SLC23A2: variants seen among roughly 807,000 people sequenced by gnomAD.
SLC23A2 encodes Na(+)/L-ascorbic acid transporter 2.
In SLC23A2, 36 loss-of-function variants were observed where a neutral mutation model predicts 73.3. That is an observed-to-expected ratio of 0.49 (90% confidence interval 0.38 to 0.65). SLC23A2 has a LOEUF of 0.65. Among genes scored for constraint, SLC23A2 ranks in the 30% least tolerant of loss-of-function variants. The pLI, the probability that SLC23A2 is intolerant of heterozygous loss-of-function variation, is 0.00. For missense variants in SLC23A2, 507 were observed against 841.6 expected (o/e 0.60, Z 4.92); for synonymous variants, 343 against 327.3 (o/e 1.05, Z -0.52).
chr20:4,971,675 T>G (rs1379820014), intron 1 of SLC23A2, among the ~76,000 whole-genome samples: 1 of 150,174 alleles, frequency 6.7e-6, no homozygotes, highest in African/African-American at 2.5e-5. Context: ...TAGTCACAGC[T>G]ACTCAGGAGG....
At chr20:4,996,720 T>C (rs1350811756) in intron 1 of SLC23A2, among the ~76,000 whole-genome samples, 3 of 143,704 alleles carry the variant, frequency 2.1e-5, no homozygotes, top group Non-Finnish European at 4.5e-5. Flanking sequence ...CAACAACTCA[T>C]GAGTGAAGAT....
chr20:4,912,901 C>T lies in SLC23A2; in HGVS notation c.186G>A (p.Thr62=), dbSNP rs776221919. ...EDTELMAIYT[T]ENGIAEKSSL... is the part of the protein sequence containing the mutation. Reference sequence around the variant, plus strand: ...GTACCTTTTCTGCAATGCCGTTTTCCGTAGTGTAGATCGCCATGAGCTCAG... The same window carrying T: ...GTACCTTTTCTGCAATGCCGTTTTCTGTAGTGTAGATCGCCATGAGCTCAG... Residue 62 remains threonine (T), a synonymous_variant, in exon 4 of 17, where the codon ACG becomes ACA. Transcript: ENST00000338244. 3.1e-6 allele frequency: 5 copies of T among 1,612,666 alleles called. No individual in the cohort carries two copies. The highest frequency in any genetic ancestry group is 3.3e-5 in the Admixed American group (2 of 60,008).
chr20:4,875,234 C>T (rs8122118), intron 9 of SLC23A2, among the ~76,000 whole-genome samples: 49,541 of 152,058 alleles, frequency 0.33, 8,392 homozygotes, highest in African/African-American at 0.4. Flanking sequence ...ACTTACAGCA[C>T]GCATAAATTA....
chr20:4,876,280 CATT>C lies in SLC23A2; in HGVS notation c.825-1587_825-1585del, dbSNP rs563930989. ...GCCCCAGGCCTGCTAGTTTTGTCAT[CATT>C]ATTTCAGGCAACACACCTGCACATT... On this transcript the variant is annotated intron_variant, in intron 9 of 16. Transcript: ENST00000338244. Among the ~76,000 whole-genome samples, 14 of 152,272 alleles carry C rather than the reference CATT, an allele frequency of 9.2e-5. No homozygotes were observed. In the South Asian group the frequency reaches 2.7e-3, roughly 29 times the overall value.
At chr20:4,891,887 A>C (rs1228473593) in intron 6 of SLC23A2, among the ~76,000 whole-genome samples, 1 of 151,982 alleles carries the variant, frequency 6.6e-6, no homozygotes, top group Non-Finnish European at 1.5e-5. Context: ...AGAAGCTGGG[A>C]CCACAGGTGT....
intron 16 of SLC23A2, among the ~76,000 whole-genome samples, chr20:4,858,937 T>A (rs539241080): frequency 3.3e-5 from 5 of 152,182 alleles, no homozygotes; most frequent in African/African-American, 1.2e-4. Context: ...TGCCCACCTC[T>A]CTCAGATCAG....
In SLC23A2 at chr20:4,855,205, A is replaced by C. The variant is rs1929669363; in HGVS notation, c.*1767T>G. Reference sequence around the variant, plus strand: ...TAAACCTTGAAGCCCCAAACTTCCAAGAGTGAAGGGGGCTACGGTGACATG... The same window carrying C: ...TAAACCTTGAAGCCCCAAACTTCCACGAGTGAAGGGGGCTACGGTGACATG... On this transcript the variant is annotated 3_prime_UTR_variant, in exon 17 of 17. Coordinates refer to ENST00000338244, the MANE Select transcript of SLC23A2 (RefSeq NM_005116.6). The C allele has an allele frequency of 6.6e-6, 1 of 152,422 alleles. No individual in the cohort carries two copies. The highest frequency in any genetic ancestry group is 2.4e-5 in the African/African-American group (1 of 41,454). The allele number at this position is 152,422 out of a possible 1,614,324, so 9.4% of individuals were successfully genotyped here.
At chr20:4,969,504 C>T (rs932114604) in intron 2 of SLC23A2, among the ~76,000 whole-genome samples, 1 of 151,496 alleles carries the variant, frequency 6.6e-6, no homozygotes, top group African/African-American at 2.4e-5. Flanking sequence ...TTTTTTAAAA[C>T]AACACTGACA....
chr20:4,881,054 C>T (rs1352438218), intron 9 of SLC23A2, among the ~76,000 whole-genome samples: 2 of 152,104 alleles, frequency 1.3e-5, no homozygotes, highest in African/African-American at 4.8e-5. Context: ...GCAGGATGGG[C>T]TGTGTGGGGG....
chr20:4,892,531 A>G (rs1372831765), intron 6 of SLC23A2, among the ~76,000 whole-genome samples: 2 of 152,206 alleles, frequency 1.3e-5, no homozygotes, highest in Non-Finnish European at 2.9e-5. Context: ...TTTTTAGTTA[A>G]GTGGATGGTA....
intron 3 of SLC23A2, among the ~76,000 whole-genome samples, chr20:4,926,813 A>G (rs1448950358): frequency 6.6e-6 from 1 of 151,634 alleles, no homozygotes; most frequent in Non-Finnish European, 1.5e-5. Flanking sequence ...GTTTTGTTTT[A>G]TTTTGTTTAA....
In SLC23A2 at chr20:4,857,316, AC is replaced by A; in HGVS notation, c.1721-113del. The A allele has an allele frequency of 3.3e-6, 2 of 600,178 alleles. No homozygotes were observed. The highest frequency in any genetic ancestry group is 5.9e-6 in the Non-Finnish European group (2 of 339,720). The allele number at this position is 600,178 out of a possible 1,614,324, so 37.2% of individuals were successfully genotyped here. A position where few individuals can be genotyped will look rare whatever the true frequency, so the allele number is the denominator to read the frequency against. Reference sequence around the variant, plus strand: ...CACACACACACACACACACACACACACACACACACACACACACACATGGTCC... The same window carrying A: ...CACACACACACACACACACACACACAACACACACACACACACACATGGTCC... On this transcript the variant is annotated intron_variant, in intron 16 of 16. Transcript: ENST00000338244. This position sits in a 1 kb window ranked among gnomAD's most constrained non-coding sequence, Gnocchi z 4.0.
intron 15 of SLC23A2, among the ~76,000 whole-genome samples, chr20:4,860,130 C>A (rs1289828296): frequency 6.6e-6 from 1 of 152,154 alleles, no homozygotes; most frequent in Non-Finnish European, 1.5e-5. Flanking sequence ...TAGGTATATA[C>A]CCAGGAGAAA....
intron 6 of SLC23A2, among the ~76,000 whole-genome samples, chr20:4,891,724 AC>A (rs1270238218): frequency 6.6e-6 from 1 of 152,230 alleles, no homozygotes; most frequent in African/African-American, 2.4e-5. Flanking sequence ...GTGGACAGGT[AC>A]CAGGCATCAG....
intron 1 of SLC23A2, among the ~76,000 whole-genome samples, chr20:4,988,673 T>C (rs2087871208): frequency 6.7e-6 from 1 of 149,462 alleles, no homozygotes; most frequent in South Asian, 2.1e-4. Context: ...GAGATGGAGG[T>C]TGTGGTGAGC....
chr20:4,901,528 A>T (rs1931744158), intron 5 of SLC23A2, among the ~76,000 whole-genome samples: 1 of 152,174 alleles, frequency 6.6e-6, no homozygotes, highest in African/African-American at 2.4e-5. Context: ...TCATCCTATG[A>T]AAGGGAAAAG....
At chr20:4,905,461 C>T (rs567492954) in intron 4 of SLC23A2, among the ~76,000 whole-genome samples, 1 of 152,284 alleles carries the variant, frequency 6.6e-6, no homozygotes, top group South Asian at 2.1e-4. Flanking sequence ...AAAACAAAAA[C>T]CTCTAATAAG....
At chr20:4,875,750 G>A (rs139337676) in intron 9 of SLC23A2, among the ~76,000 whole-genome samples, 7 of 152,266 alleles carry the variant, frequency 4.6e-5, no homozygotes, top group East Asian at 1.9e-4. Flanking sequence ...AACAAAACTC[G>A]TGCCCAACAA....
At chr20:4,955,398 C>CA (rs2087270565) in intron 2 of SLC23A2, among the ~76,000 whole-genome samples, 2 of 141,358 alleles carry the variant, frequency 1.4e-5, no homozygotes, top group Admixed American at 7.2e-5. Context: ...CACACACACA[C>CA]CCTAGAATAA....
Sources: gnomAD v4.1 joint callset for allele counts (sites outside exome capture counted in the v4.1 genomes callset) on GRCh38, gnomAD v4.1.1 for gene constraint, Gnocchi (gnomAD v3.1) non-coding constraint, MANE v1.5 for transcripts, NCBI Gene and HGNC (gene_info 2026-07-23, HGNC 2026-07-21) for gene names.